The following GLI2 variants were observed in gnomAD, a reference collection of about 807,000 sequenced individuals.
GLI2 encodes transcription activator GLI2.
GLI2 carries 22 observed loss-of-function variants against 78.9 expected under a neutral mutation model. The observed-to-expected ratio is 0.28, with a 90% CI of 0.20 to 0.40. The LOEUF (loss-of-function observed/expected upper bound fraction) is 0.40, where lower values mean the gene tolerates loss of function less well. Among genes scored for constraint, GLI2 ranks in the 10% least tolerant of loss-of-function variants. The pLI, the probability that GLI2 is intolerant of heterozygous loss-of-function variation, is 1.00. For synonymous variants in GLI2, 974 were observed against 963.7 expected (o/e 1.01, Z -0.20); for missense variants, 2,097 against 2,213.2 (o/e 0.95, Z 1.05).
chr2:120,822,024 T>C (rs1483378252), intron 2 of GLI2, among the ~76,000 whole-genome samples: 1 of 152,138 alleles, frequency 6.6e-6, no homozygotes. Flanking sequence ...ACCTCTGACA[T>C]GGAGGTGAGG....
rs568642027 is a variant in GLI2, at chr2:120,805,230, C to T, written c.148+7762C>T. On this transcript the variant is annotated intron_variant, in intron 2 of 13. Transcript: ENST00000361492. Reference sequence around the variant, plus strand: ...TTGTTCTCTGCTTCTGGCCGCAGCCCGGGGTCTGGACTCTGGGAGGCTCTC... The same window carrying T: ...TTGTTCTCTGCTTCTGGCCGCAGCCTGGGGTCTGGACTCTGGGAGGCTCTC... Among the ~76,000 whole-genome samples the T allele has an allele frequency of 7.9e-5, 12 of 152,366 alleles. No homozygotes were observed. In the South Asian group the frequency reaches 1.9e-3, roughly 24 times the overall value.
intron 5 of GLI2, among the ~76,000 whole-genome samples, chr2:120,961,051 A>G (rs1681529265): frequency 6.6e-6 from 1 of 152,158 alleles, no homozygotes; most frequent in South Asian, 2.1e-4. Context: ...GAATTTTCTC[A>G]TGTTATGCTG....
rs184962681 is a variant in GLI2 at position 120,850,214 on chromosome 2, A to T, written c.148+52746A>T. ...TCAGTGTGCCCAGCACTTTAAAAGAAAAAAAATAATTTAGACATGTGATTG... is the reference window on the plus strand; with the variant it reads ...TCAGTGTGCCCAGCACTTTAAAAGATAAAAAATAATTTAGACATGTGATTG... On this transcript the variant is annotated intron_variant, in intron 2 of 13. Transcript: ENST00000361492. 1.9e-3 allele frequency among the ~76,000 whole-genome samples: 297 copies of T among 152,336 alleles called. 3 individuals are homozygous for T. In the South Asian group the frequency reaches 0.023, roughly 12 times the overall value.
chr2:120,945,208 C>T (rs1451684237), intron 3 of GLI2, among the ~76,000 whole-genome samples: 5 of 152,278 alleles, frequency 3.3e-5, no homozygotes, highest in Non-Finnish European at 7.3e-5. Flanking sequence ...GCGTCCTCCA[C>T]TGCAGCGGAG....
intron 1 of GLI2, among the ~76,000 whole-genome samples, chr2:120,796,639 T>C (rs910855366): frequency 7.2e-5 from 11 of 152,222 alleles, no homozygotes; most frequent in Admixed American, 6.5e-4. Flanking sequence ...TTTCTTTTCC[T>C]GAGCCACCTC....
intron 1 of GLI2, among the ~76,000 whole-genome samples, chr2:120,772,935 C>T (rs780511783): frequency 1.4e-4 from 21 of 152,274 alleles, no homozygotes; most frequent in Non-Finnish European, 2.6e-4. Flanking sequence ...TCTGAGGAGC[C>T]TTCCCTCCCC....
At chr2:120,882,206 C>A (rs1428710882) in intron 2 of GLI2, among the ~76,000 whole-genome samples, 1 of 152,180 alleles carries the variant, frequency 6.6e-6, no homozygotes, top group South Asian at 2.1e-4. Flanking sequence ...GTTCCAGGAG[C>A]CACATCCTCC....
At chr2:120,885,669 A>T (rs1677360589) in intron 2 of GLI2, among the ~76,000 whole-genome samples, 1 of 152,200 alleles carries the variant, frequency 6.6e-6, no homozygotes, top group Admixed American at 6.5e-5. Flanking sequence ...GGCGTCTAGC[A>T]GGTGGGCAGA....
At chr2:120,920,404 C>A (rs1206254897) in intron 2 of GLI2, among the ~76,000 whole-genome samples, 1 of 152,234 alleles carries the variant, frequency 6.6e-6, no homozygotes, top group Non-Finnish European at 1.5e-5. Flanking sequence ...ACTCTGCAGA[C>A]CCCTACCTCC....
chr2:120,873,010 T>C (rs546131677), intron 2 of GLI2, among the ~76,000 whole-genome samples: 1 of 152,388 alleles, frequency 6.6e-6, no homozygotes. Flanking sequence ...TTGGAATATA[T>C]GCTTGCAGTC....
At chr2:120,973,765 G>A (rs2105031892) in intron 8 of GLI2, among the ~76,000 whole-genome samples, 1 of 152,342 alleles carries the variant, frequency 6.6e-6, no homozygotes, top group African/African-American at 2.4e-5. Context: ...GGAACAAGTG[G>A]ATTCGTTGAA....
At chr2:120,874,623 T>G (rs1688640036) in intron 2 of GLI2, among the ~76,000 whole-genome samples, 1 of 152,150 alleles carries the variant, frequency 6.6e-6, no homozygotes, top group African/African-American at 2.4e-5. Flanking sequence ...TGCTTTTTGT[T>G]TATGGTCTCT....
chr2:120,771,253 T>A (rs2104657515), intron 1 of GLI2, among the ~76,000 whole-genome samples: 1 of 152,288 alleles, frequency 6.6e-6, no homozygotes, highest in Middle Eastern at 3.4e-3. Flanking sequence ...CTCAGCCCAT[T>A]GGCAGGTGTC....
intron 1 of GLI2, among the ~76,000 whole-genome samples, chr2:120,763,582 T>G (rs2104648114): frequency 1.3e-5 from 2 of 152,286 alleles, no homozygotes; most frequent in East Asian, 3.9e-4. Context: ...CCTTGGGGAA[T>G]GCTGTAGGGG....
At chr2:120,951,527 A>G in intron 4 of GLI2, 82 bp downstream of exon 4, 1 of 839,532 alleles carries the variant, frequency 1.2e-6, no homozygotes, top group Non-Finnish European at 1.9e-6. Flanking sequence ...TAACACTGTC[A>G]ACTCCTCAGC....
At chr2:120,743,533 A>T (rs1236550226) in intron 1 of GLI2, among the ~76,000 whole-genome samples, 2 of 152,212 alleles carry the variant, frequency 1.3e-5, no homozygotes, top group East Asian at 3.9e-4. Context: ...GTTGGGCCAG[A>T]GGACTACCCA....
At chr2:120,806,882 T>C (rs1161181100) in intron 2 of GLI2, among the ~76,000 whole-genome samples, 2 of 152,196 alleles carry the variant, frequency 1.3e-5, no homozygotes, top group East Asian at 3.9e-4. Context: ...GCAGGGGCCA[T>C]GGCCCTGTCC....
chr2:120,881,875 G>A lies in GLI2; in HGVS notation c.149-45486G>A, dbSNP rs1245550145. 3.3e-5 allele frequency among the ~76,000 whole-genome samples: 5 copies of A among 151,236 alleles called. No individual in the cohort carries two copies. The East Asian group carries it at 9.8e-4, about 30-fold the overall frequency. On this transcript the variant is annotated intron_variant, in intron 2 of 13. Coordinates refer to ENST00000361492, the MANE Select transcript of GLI2 (RefSeq NM_001374353.1). ...GAGGGGCATGTGGGAAGGAGGGCAGGTGGAGCTGGCGGCATCATGAACTTT... is the reference window on the plus strand; with the variant it reads ...GAGGGGCATGTGGGAAGGAGGGCAGATGGAGCTGGCGGCATCATGAACTTT...
chr2:120,863,741 G>A (rs1190561288), intron 2 of GLI2, among the ~76,000 whole-genome samples: 5 of 152,168 alleles, frequency 3.3e-5, no homozygotes, highest in Admixed American at 1.3e-4. Flanking sequence ...CAGCTCATTT[G>A]TAAGTGGGAA....
Sources: allele counts gnomAD v4.1 joint callset (sites outside exome capture counted in the v4.1 genomes callset), GRCh38; gene constraint gnomAD v4.1.1; transcripts MANE v1.5; gene names NCBI Gene and HGNC (gene_info 2026-07-23, HGNC 2026-07-21).